GAS2L3: variants seen among roughly 807,000 people sequenced by gnomAD.
GAS2L3 encodes the protein GAS2-like protein 3.
GAS2L3 carries 28 observed loss-of-function variants against 37.0 expected under a neutral mutation model. The ratio of observed to expected loss-of-function variants is 0.76; its 90% CI spans 0.56 to 1.04. The LOEUF is 1.04. GAS2L3 is among the 50% of genes least tolerant of loss of function. GAS2L3 has a pLI of 0.00. For missense variants in GAS2L3, 793 were observed against 817.6 expected, an observed-to-expected ratio of 0.97 and a Z score of 0.37; for synonymous variants, 290 against 296.6, an observed-to-expected ratio of 0.98 and a Z score of 0.23.
intron 8 of GAS2L3, among the ~76,000 whole-genome samples, chr12:100,619,634 G>A (rs1193004502): frequency 6.6e-6 from 1 of 151,962 alleles, no homozygotes; most frequent in African/African-American, 2.4e-5. Context: ...TCATGTGTGT[G>A]TGTGTATATA....
intron 1 of GAS2L3, among the ~76,000 whole-genome samples, chr12:100,587,674 C>T (rs1380316072): frequency 6.6e-6 from 1 of 152,202 alleles, no homozygotes; most frequent in Non-Finnish European, 1.5e-5. Context: ...GGAACTGGAA[C>T]AAGACAAGGA....
intron 3 of GAS2L3, among the ~76,000 whole-genome samples, chr12:100,597,618 T>G (rs1263376310): frequency 6.6e-6 from 1 of 152,044 alleles, no homozygotes; most frequent in African/African-American, 2.4e-5. Context: ...GGTTTTTAAA[T>G]TTACTTTTAT....
intron 1 of GAS2L3, among the ~76,000 whole-genome samples, chr12:100,581,514 A>G (rs921607240): frequency 1.6e-4 from 25 of 152,264 alleles, no homozygotes; most frequent in African/African-American, 5.8e-4. Context: ...AAATGACAAA[A>G]TTCACAAAAC....
At chr12:100,622,204 C>A in intron 8 of GAS2L3, 71 bp from the exon 9 acceptor site, 2 of 783,170 alleles carry the variant, frequency 2.6e-6, no homozygotes, top group Non-Finnish European at 4.2e-6. Context: ...CCTTAGCTAT[C>A]AAATAATATT....
intron 5 of GAS2L3, among the ~76,000 whole-genome samples, chr12:100,608,643 TCCCTA>T (rs1302360093): frequency 1.8e-4 from 27 of 152,146 alleles, no homozygotes; most frequent in African/African-American, 6.5e-4. Flanking sequence ...TGCCTCAGCC[TCCCTA>T]GTAGCTGGGA....
chr12:100,602,768 C>T (rs544228121), intron 5 of GAS2L3, among the ~76,000 whole-genome samples: 1 of 152,116 alleles, frequency 6.6e-6, no homozygotes, highest in African/African-American at 2.4e-5. Context: ...TTTTTGCACC[C>T]TTAACCATCT....
chr12:100,600,363 T>C lies in GAS2L3; in HGVS notation c.19-19T>C. The C allele has an allele frequency of 1.3e-6, 2 of 1,509,924 alleles. No homozygotes were observed. The highest frequency in any genetic ancestry group is 1.8e-6 in the Non-Finnish European group (2 of 1,114,360). The allele number at this position is 1,509,924 out of a possible 1,614,324, so 93.5% of individuals were successfully genotyped here. ...CAAAGGTTTTATTCATTCAGTTGAT[T>C]GATTTTTTTTTTCTTTAGGTATGGT... On this transcript the variant is annotated intron_variant, in intron 3 of 9. Coordinates refer to ENST00000547754, the MANE Select transcript of GAS2L3 (RefSeq NM_174942.3).
chr12:100,579,517 T>G (rs1955681376), intron 1 of GAS2L3: 2 of 774,108 alleles, frequency 2.6e-6, no homozygotes, highest in Admixed American at 3.4e-5. Flanking sequence ...GATTTAAATT[T>G]CATAATTGGA....
chr12:100,595,473 T>G (rs1032770546), intron 3 of GAS2L3, among the ~76,000 whole-genome samples: 6 of 151,568 alleles, frequency 4.0e-5, no homozygotes, highest in Non-Finnish European at 5.9e-5. Flanking sequence ...TAGCCTTATA[T>G]CTGAATGATT....
intron 6 of GAS2L3, chr12:100,612,392 G>A (rs1956137947): frequency 2.5e-6 from 1 of 395,688 alleles, no homozygotes; most frequent in African/African-American, 2.1e-5. Flanking sequence ...GTTGGCTACA[G>A]GAAGGTTCTG....
At chr12:100,577,607 A>G (rs1955653632) in intron 1 of GAS2L3, among the ~76,000 whole-genome samples, 1 of 152,190 alleles carries the variant, frequency 6.6e-6, no homozygotes, top group African/African-American at 2.4e-5. Flanking sequence ...CATCTGTTGC[A>G]TTTAGGAGTA....
At chr12:100,597,860 G>A (rs1190575837) in intron 3 of GAS2L3, among the ~76,000 whole-genome samples, 2 of 152,002 alleles carry the variant, frequency 1.3e-5, no homozygotes, top group Non-Finnish European at 2.9e-5. Context: ...ACCTCAATAA[G>A]CTTAGTATAT....
At position 100,622,347 on chromosome 12, in the gene GAS2L3, CGG is replaced by C. The variant is rs1565814256; in HGVS notation, c.722_723del (p.Arg241LeufsTer6). ...TTCTATTGAGTATTTATCTGAAGGA[CGG>C]TACCGACTAGGGGATAAAATACTCT... ...RFSIEYLSEG[R>X]YRLGDKILFI... On this transcript the variant is annotated frameshift_variant, in exon 9 of 10. Coordinates refer to ENST00000547754, the MANE Select transcript of GAS2L3 (RefSeq NM_174942.3). LOFTEE classifies it low-confidence loss of function (END_TRUNC). 1 of 1,594,288 alleles carries C rather than the reference CGG, an allele frequency of 6.3e-7. No individual in the cohort carries two copies. Among genetic ancestry groups the C allele is most frequent in the Admixed American group, 1.7e-5 (1 of 59,816 alleles).
At chr12:100,588,366 A>G (rs1043746016) in intron 1 of GAS2L3, among the ~76,000 whole-genome samples, 1 of 152,238 alleles carries the variant, frequency 6.6e-6, no homozygotes, top group Non-Finnish European at 1.5e-5. Flanking sequence ...CAGACCAGCA[A>G]GTTTTTATTA....
At chr12:100,615,240 G>A (rs1031417302) in intron 6 of GAS2L3, among the ~76,000 whole-genome samples, 13 of 151,984 alleles carry the variant, frequency 8.6e-5, no homozygotes, top group African/African-American at 1.9e-4. Context: ...GTTTTGATTC[G>A]CGTTTCCCTA....
At chr12:100,594,973 G>A (rs746839354) in intron 3 of GAS2L3, 51 bp downstream of exon 3, 4 of 822,512 alleles carry the variant, frequency 4.9e-6, no homozygotes, top group Non-Finnish European at 7.4e-6. Context: ...TAATATAATT[G>A]AACTGTAATA....
In GAS2L3 at chr12:100,623,997, C is replaced by T; in HGVS notation, c.1192C>T (p.Pro398Ser). The part of the protein sequence containing the change: ...SKGITKKPQA[P>S]SNNASSSLAS... ...AGGCATAACGAAGAAACCGCAGGCT[C>T]CTTCAAACAATGCATCATCTTCACT... The change falls in exon 10 of 10, where the codon CCT becomes TCT. Residue 398 changes from proline (P) to serine (S), a missense_variant. Coordinates refer to ENST00000547754, the MANE Select transcript of GAS2L3 (RefSeq NM_174942.3). The T allele has an allele frequency of 6.2e-7, 1 of 1,614,018 alleles. No individual in the cohort carries two copies. The highest frequency in any genetic ancestry group is 8.5e-7 in the Non-Finnish European group (1 of 1,179,976).
At chr12:100,586,125 G>A (rs1955778297) in intron 1 of GAS2L3, among the ~76,000 whole-genome samples, 2 of 152,208 alleles carry the variant, frequency 1.3e-5, no homozygotes, top group South Asian at 4.2e-4. Context: ...ATAATATCTG[G>A]TGAGGGACTT....
In GAS2L3 at chr12:100,624,193, A is replaced by G. The variant is rs1213311248; in HGVS notation, c.1388A>G (p.Asn463Ser). Reference sequence around the variant, plus strand: ...CTGCCCGAGTCCACACTTTTGCCAAATAAGTGTTCAGGAAAAACTCAACCT... The same window carrying G: ...CTGCCCGAGTCCACACTTTTGCCAAGTAAGTGTTCAGGAAAAACTCAACCT... Reference protein sequence around the residue: ...ADLPESTLLPNKCSGKTQPKY... With the variant: ...ADLPESTLLPSKCSGKTQPKY... Residue 463 changes from asparagine (N) to serine (S), a missense_variant, in exon 10 of 10, where the codon AAT (asparagine) becomes AGT (serine). Asn to Ser is a conservative substitution (Grantham distance 46). Coordinates refer to ENST00000547754, the MANE Select transcript of GAS2L3 (RefSeq NM_174942.3). The G allele has an allele frequency of 1.2e-6, 2 of 1,613,928 alleles. No homozygotes were observed. The highest frequency in any genetic ancestry group is 2.2e-5 in the East Asian group (1 of 44,878).
Sources: allele counts gnomAD v4.1 joint callset (sites outside exome capture counted in the v4.1 genomes callset), GRCh38; gene constraint gnomAD v4.1.1; transcripts MANE v1.5; gene names NCBI Gene and HGNC (gene_info 2026-07-23, HGNC 2026-07-21).